The following CHLSN variants were observed in gnomAD, a reference collection of about 807,000 sequenced individuals.
CHLSN encodes the protein cholesin.
the CHLSN span, chr7:983,314 C>T: frequency 1.3e-6 from 2 of 1,540,996 alleles, no homozygotes; most frequent in Non-Finnish European, 8.7e-7. Flanking sequence ...GCCCCCGGGG[C>T]CTCGCCCGCT....
At chr7:1,133,884 G>C in the CHLSN span, among the ~76,000 whole-genome samples, 2 of 152,086 alleles carry the variant, frequency 1.3e-5, no homozygotes, top group Non-Finnish European at 2.9e-5. Flanking sequence ...ACAGCTCACT[G>C]CAGCCTCGAC....
chr7:1,086,368 C>T, the CHLSN span, among the ~76,000 whole-genome samples: 1 of 152,242 alleles, frequency 6.6e-6, no homozygotes, highest in South Asian at 2.1e-4. Flanking sequence ...ATCATCTCAA[C>T]TTCACAGCTG....
the CHLSN span, chr7:1,009,880 G>A: frequency 7.5e-7 from 1 of 1,340,424 alleles, no homozygotes; most frequent in Non-Finnish European, 1.0e-6. Flanking sequence ...GCGAGTGAAG[G>A]CTTCGACCCC....
chr7:1,023,425 A>C, the CHLSN span, among the ~76,000 whole-genome samples: 1 of 152,050 alleles, frequency 6.6e-6, no homozygotes, highest in African/African-American at 2.4e-5. This position sits in a 1 kb window ranked among gnomAD's most constrained non-coding sequence, Gnocchi z 5.0. Flanking sequence ...AGACATGGAC[A>C]GACTCCCAGC....
At chr7:1,010,218 G>A in the CHLSN span, 12 of 1,390,628 alleles carry the variant, frequency 8.6e-6, no homozygotes, top group Middle Eastern at 1.8e-4. Flanking sequence ...GGGGCTTCCC[G>A]AGCCCACCCT....
At chr7:1,131,464 G>A in the CHLSN span, among the ~76,000 whole-genome samples, 6 of 152,134 alleles carry the variant, frequency 3.9e-5, no homozygotes, top group Admixed American at 1.3e-4. Flanking sequence ...CATCCCACTC[G>A]GGGCTATCAC....
At chr7:1,043,409 C>T in the CHLSN span, 1 of 152,222 alleles carries the variant, frequency 6.6e-6, no homozygotes, top group Non-Finnish European at 1.5e-5. Flanking sequence ...ACTAATCAAT[C>T]GTGTCTTAGG....
chr7:1,012,929 G>A, the CHLSN span, among the ~76,000 whole-genome samples: 2 of 152,252 alleles, frequency 1.3e-5, no homozygotes, highest in African/African-American at 4.8e-5. Context: ...CGACGTGAGC[G>A]ACCTCAGCTA....
chr7:1,080,293 A>C, the CHLSN span, among the ~76,000 whole-genome samples: 3 of 152,248 alleles, frequency 2.0e-5, no homozygotes, highest in Admixed American at 1.3e-4. Flanking sequence ...ATCTGGAAAG[A>C]ACTCAAATGT....
At chr7:1,116,447 C>T in the CHLSN span, among the ~76,000 whole-genome samples, 3 of 124,348 alleles carry the variant, frequency 2.4e-5, no homozygotes, top group East Asian at 8.0e-4. Flanking sequence ...CACCGACGTC[C>T]ACGCAGGATG....
At chr7:1,033,907 G>A in the CHLSN span, among the ~76,000 whole-genome samples, 1 of 152,222 alleles carries the variant, frequency 6.6e-6, no homozygotes, top group African/African-American at 2.4e-5. Context: ...CCAGGAGCAG[G>A]GCAAGGGTGT....
chr7:1,046,289 C>T, the CHLSN span, among the ~76,000 whole-genome samples: 3 of 152,200 alleles, frequency 2.0e-5, no homozygotes, highest in Non-Finnish European at 4.4e-5. Context: ...CCAACCACAG[C>T]GAGGTCTTGC....
the CHLSN span, among the ~76,000 whole-genome samples, chr7:1,105,949 C>G: frequency 6.6e-6 from 1 of 152,106 alleles, no homozygotes; most frequent in South Asian, 2.1e-4. Context: ...CAGAAAGACG[C>G]GTCCATATCA....
the CHLSN span, among the ~76,000 whole-genome samples, chr7:1,079,874 G>A: frequency 6.6e-5 from 10 of 152,374 alleles, no homozygotes; most frequent in East Asian, 1.2e-3. Context: ...TAAGCAGCGA[G>A]GGCCCATGCT....
chr7:994,870 T>C, the CHLSN span, among the ~76,000 whole-genome samples: 2 of 152,198 alleles, frequency 1.3e-5, no homozygotes, highest in Non-Finnish European at 2.9e-5. Flanking sequence ...CTTGGACACA[T>C]GTAAAGAGAA....
chr7:1,107,941 C>T, the CHLSN span, among the ~76,000 whole-genome samples: 1 of 142,132 alleles, frequency 7.0e-6, no homozygotes, highest in South Asian at 2.2e-4. Flanking sequence ...AGACCCGCAC[C>T]CCGGGAGGAA....
chr7:1,114,795 G>A, the CHLSN span, among the ~76,000 whole-genome samples: 4 of 152,274 alleles, frequency 2.6e-5, no homozygotes, highest in Non-Finnish European at 5.9e-5. Context: ...TTCTGCCCGG[G>A]CGATGGGCAG....
At chr7:1,117,990 T>A in the CHLSN span, among the ~76,000 whole-genome samples, 2 of 152,154 alleles carry the variant, frequency 1.3e-5, no homozygotes, top group African/African-American at 4.8e-5. Context: ...AGGAAGCCCA[T>A]CGTTCCTGCT....
At chr7:1,125,089 T>G in the CHLSN span, among the ~76,000 whole-genome samples, 1 of 152,234 alleles carries the variant, frequency 6.6e-6, no homozygotes, top group Non-Finnish European at 1.5e-5. Context: ...CTGAGCCGCC[T>G]GCAGCCACAG....
Sources: gnomAD v4.1 joint callset for allele counts (sites outside exome capture counted in the v4.1 genomes callset) on GRCh38, gnomAD v4.1.1 for gene constraint, Gnocchi (gnomAD v3.1) non-coding constraint, MANE v1.5 for transcripts, NCBI Gene and HGNC (gene_info 2026-07-23, HGNC 2026-07-21) for gene names.